The following KCNB2 variants were observed in gnomAD, a reference collection of about 807,000 sequenced individuals.
The protein encoded by KCNB2 is delayed rectifier potassium channel protein.
KCNB2 carries 15 observed loss-of-function variants against 61.5 expected under a neutral mutation model. The ratio of observed to expected loss-of-function variants is 0.24; its 90% CI spans 0.16 to 0.38. KCNB2 has a LOEUF of 0.38. KCNB2 is among the 10% of genes least tolerant of loss of function. The probability of loss-of-function intolerance (pLI) is 1.00; values close to 1 mark genes in which losing one functional copy is unlikely to be tolerated. For synonymous variants in KCNB2, 457 were observed against 446.0 expected (o/e 1.02, Z -0.31); for missense variants, 828 against 1,125.2 (o/e 0.74, Z 3.78).
intron 2 of KCNB2, among the ~76,000 whole-genome samples, chr8:72,733,606 G>T (rs576745025): frequency 6.6e-6 from 1 of 152,206 alleles, no homozygotes; most frequent in South Asian, 2.1e-4. Flanking sequence ...ATGAAGTTTT[G>T]CCTGTAAAGC....
intron 2 of KCNB2, among the ~76,000 whole-genome samples, chr8:72,921,458 T>C (rs376311503): frequency 6.6e-6 from 1 of 152,292 alleles, no homozygotes. Flanking sequence ...AGATGAGGTA[T>C]GGTACATAGT....
At chr8:72,670,949 T>C (rs1005230535) in intron 2 of KCNB2, among the ~76,000 whole-genome samples, 1 of 152,206 alleles carries the variant, frequency 6.6e-6, no homozygotes, top group African/African-American at 2.4e-5. Flanking sequence ...GGATATGACC[T>C]CTCTCTCCTT....
At chr8:72,635,934 T>A (rs1366104981) in intron 2 of KCNB2, among the ~76,000 whole-genome samples, 2 of 152,208 alleles carry the variant, frequency 1.3e-5, no homozygotes, top group Non-Finnish European at 1.5e-5. Context: ...CAAATTTTAA[T>A]TCCTTTGTGC....
In KCNB2 at chr8:72,592,190, T is replaced by C. The variant is rs150132449; in HGVS notation, c.579+23877T>C. Among the ~76,000 whole-genome samples, 28 of 152,324 alleles carry C rather than the reference T, an allele frequency of 1.8e-4. No individual in the cohort carries two copies. The East Asian group carries it at 5.2e-3, about 28-fold the overall frequency. ...GAGAGTCATCTTCTCTGTTTCATGA[T>C]AAGGAAATTGTGAAATCTGTACTTG... On this transcript the variant is annotated intron_variant, in intron 2 of 2. Transcript: ENST00000523207.
At chr8:72,574,343 C>T (rs536737560) in intron 2 of KCNB2, among the ~76,000 whole-genome samples, 1 of 152,288 alleles carries the variant, frequency 6.6e-6, no homozygotes, top group South Asian at 2.1e-4. Flanking sequence ...GCTCATACCC[C>T]CACATCCCAT....
intron 2 of KCNB2, among the ~76,000 whole-genome samples, chr8:72,772,462 G>A (rs1448009598): frequency 6.6e-6 from 1 of 152,198 alleles, no homozygotes; most frequent in African/African-American, 2.4e-5. Flanking sequence ...ACTGGGTTAA[G>A]GGGGTAGCTC....
chr8:72,689,053 C>T (rs2128989871), intron 2 of KCNB2, among the ~76,000 whole-genome samples: 1 of 152,072 alleles, frequency 6.6e-6, no homozygotes, highest in Admixed American at 6.5e-5. Flanking sequence ...ATTTGTGGTA[C>T]ATTATGTTTA....
At chr8:72,932,559 C>G (rs2129009129) in intron 2 of KCNB2, among the ~76,000 whole-genome samples, 1 of 152,082 alleles carries the variant, frequency 6.6e-6, no homozygotes, top group Admixed American at 6.5e-5. Flanking sequence ...GTTAAGAATT[C>G]CTTCATTATC....
chr8:72,640,355 C>T (rs1308801016), intron 2 of KCNB2, among the ~76,000 whole-genome samples: 1 of 151,950 alleles, frequency 6.6e-6, no homozygotes, highest in Non-Finnish European at 1.5e-5. Flanking sequence ...CTGAATTATA[C>T]CTATGGACCA....
intron 2 of KCNB2, among the ~76,000 whole-genome samples, chr8:72,724,195 A>G (rs1320945684): frequency 6.6e-6 from 1 of 152,136 alleles, no homozygotes; most frequent in Non-Finnish European, 1.5e-5. Flanking sequence ...ATCACGTGTC[A>G]CTGTCTGCTT....
chr8:72,574,978 A>G (rs754197913), intron 2 of KCNB2, among the ~76,000 whole-genome samples: 6 of 152,204 alleles, frequency 3.9e-5, no homozygotes, highest in Non-Finnish European at 2.9e-5. Context: ...AGGTGTTCTT[A>G]TCTGAGTTTT....
At chr8:72,665,261 G>A (rs933485641) in intron 2 of KCNB2, among the ~76,000 whole-genome samples, 1 of 152,140 alleles carries the variant, frequency 6.6e-6, no homozygotes, top group Non-Finnish European at 1.5e-5. Context: ...CTGGAGGGAT[G>A]GTGAGAGGTC....
At chr8:72,713,919 T>C (rs1807372511) in intron 2 of KCNB2, among the ~76,000 whole-genome samples, 2 of 151,814 alleles carry the variant, frequency 1.3e-5, no homozygotes, top group Admixed American at 6.6e-5. Context: ...TGAAAAAAAA[T>C]TAGATGAATG....
Position 72,541,395 on chromosome 8 carries a change from A to G in KCNB2, c.-94+3510A>G, listed in dbSNP as rs1028869510. Among the ~76,000 whole-genome samples, 36 of 152,258 alleles carry G rather than the reference A, an allele frequency of 2.4e-4. No homozygotes were observed. In the Middle Eastern group the frequency reaches 0.027, roughly 115 times the overall value. On this transcript the variant is annotated intron_variant, in intron 1 of 2. Coordinates refer to ENST00000523207, the MANE Select transcript of KCNB2 (RefSeq NM_004770.3). ...CAGAAATGCCCTTTATTATATAGAT[A>G]TGAAAACTAATGTTCAGAGACTTTT...
intron 2 of KCNB2, among the ~76,000 whole-genome samples, chr8:72,640,889 G>A (rs961842308): frequency 5.9e-5 from 9 of 151,994 alleles, no homozygotes; most frequent in Non-Finnish European, 1.0e-4. Context: ...CCAGTCTTAC[G>A]AAAATGGTAT....
chr8:72,935,862 C>T lies in KCNB2; in HGVS notation c.580-73C>T, dbSNP rs1002948776. 15 of 1,007,952 alleles carry T rather than the reference C, an allele frequency of 1.5e-5. No individual in the cohort carries two copies. The African/African-American group carries it at 1.9e-4, about 13-fold the overall frequency. The allele number at this position is 1,007,952 out of a possible 1,614,324, so 62.4% of individuals were successfully genotyped here. ...GAGCATTCCATATTAGTTAAACAATCACCGACCCATCTGTCTCCTAGCTGC... is the reference window on the plus strand; with the variant it reads ...GAGCATTCCATATTAGTTAAACAATTACCGACCCATCTGTCTCCTAGCTGC... On this transcript the variant is annotated intron_variant, in intron 2 of 2. Transcript: ENST00000523207.
chr8:72,920,463 A>ATATATATATGTGTGTGTG (rs1806494698), intron 2 of KCNB2, among the ~76,000 whole-genome samples: 1 of 84,410 alleles, frequency 1.2e-5, no homozygotes, highest in Non-Finnish European at 2.4e-5. Context: ...CTATCTATCT[A>ATATATATATGTGTGTGTG]TCTATCTATC....
intron 2 of KCNB2, among the ~76,000 whole-genome samples, chr8:72,792,206 C>G (rs1808956952): frequency 6.6e-6 from 1 of 152,178 alleles, no homozygotes; most frequent in Admixed American, 6.5e-5. Flanking sequence ...TCCAGGATGC[C>G]TTCTTGTAGC....
At chr8:72,616,704 T>C (rs1805624517) in intron 2 of KCNB2, among the ~76,000 whole-genome samples, 1 of 152,220 alleles carries the variant, frequency 6.6e-6, no homozygotes, top group Non-Finnish European at 1.5e-5. Flanking sequence ...CCTCTTCCCA[T>C]GGAATGCAAA....
Sources: gnomAD v4.1 joint callset for allele counts (sites outside exome capture counted in the v4.1 genomes callset) on GRCh38, gnomAD v4.1.1 for gene constraint, MANE v1.5 for transcripts, NCBI Gene and HGNC (gene_info 2026-07-23, HGNC 2026-07-21) for gene names.